ADCY5: variants seen among roughly 807,000 people sequenced by gnomAD.
ADCY5 encodes adenylate cyclase type 5.
ADCY5 carries 30 observed loss-of-function variants against 119.7 expected under a neutral mutation model. The observed-to-expected ratio is 0.25, with a 90% confidence interval of 0.19 to 0.34. ADCY5 has a LOEUF of 0.34. Ranked by LOEUF, ADCY5 falls within the 10% of genes least tolerant of loss-of-function variation. The pLI, the probability that ADCY5 is intolerant of heterozygous loss-of-function variation, is 1.00. For missense variants in ADCY5, 1,324 were observed against 1,775.2 expected (o/e 0.75, Z 4.57); for synonymous variants, 753 against 762.2 (o/e 0.99, Z 0.20).
intron 3 of ADCY5, among the ~76,000 whole-genome samples, chr3:123,346,860 C>G (rs994124667): frequency 6.6e-6 from 1 of 152,152 alleles, no homozygotes; most frequent in East Asian, 1.9e-4. Flanking sequence ...ATCAGGCTCT[C>G]CAGGAAGCCA....
At chr3:123,438,941 AG>A (rs1313134449) in intron 1 of ADCY5, among the ~76,000 whole-genome samples, 2 of 151,854 alleles carry the variant, frequency 1.3e-5, no homozygotes, top group Non-Finnish European at 2.9e-5. Flanking sequence ...TTGTAGAGAC[AG>A]GGTCTCACTA....
At chr3:123,428,799 T>A (rs1179340046) in intron 1 of ADCY5, among the ~76,000 whole-genome samples, 1 of 152,218 alleles carries the variant, frequency 6.6e-6, no homozygotes, top group Non-Finnish European at 1.5e-5. Context: ...TACTCCAGAC[T>A]CACTGAATCA....
chr3:123,326,080 C>T (rs946759151), intron 7 of ADCY5, among the ~76,000 whole-genome samples: 2 of 152,166 alleles, frequency 1.3e-5, no homozygotes, highest in African/African-American at 4.8e-5. Flanking sequence ...CAGGGGGTAC[C>T]GGAGGGAGAG....
intron 1 of ADCY5, among the ~76,000 whole-genome samples, chr3:123,368,494 G>T (rs879656798): frequency 5.3e-5 from 8 of 152,212 alleles, no homozygotes; most frequent in Non-Finnish European, 8.8e-5. Context: ...CTACTTGGGA[G>T]GCTAAGCCAG....
intron 1 of ADCY5, among the ~76,000 whole-genome samples, chr3:123,381,707 A>G (rs1944037930): frequency 6.6e-6 from 1 of 152,138 alleles, no homozygotes; most frequent in African/African-American, 2.4e-5. Flanking sequence ...ATGCTTATCC[A>G]CACATCTCCC....
intron 1 of ADCY5, among the ~76,000 whole-genome samples, chr3:123,383,499 C>T (rs1944104426): frequency 6.6e-6 from 1 of 152,188 alleles, no homozygotes; most frequent in Non-Finnish European, 1.5e-5. Context: ...TGAAGATGCT[C>T]ACAGCTCAGC....
intron 1 of ADCY5, among the ~76,000 whole-genome samples, chr3:123,410,860 C>T (rs986105223): frequency 2.0e-5 from 3 of 152,126 alleles, no homozygotes; most frequent in Non-Finnish European, 2.9e-5. Flanking sequence ...GTTGCCCAGG[C>T]TGCTCTCAAT....
chr3:123,317,427 A>T (rs572905919), intron 11 of ADCY5, among the ~76,000 whole-genome samples: 29 of 152,022 alleles, frequency 1.9e-4, no homozygotes, highest in African/African-American at 6.5e-4. Context: ...GGGACGAGAC[A>T]ATTAAGTGAT....
intron 1 of ADCY5, among the ~76,000 whole-genome samples, chr3:123,434,917 G>A (rs2107648832): frequency 6.6e-6 from 1 of 152,292 alleles, no homozygotes; most frequent in African/African-American, 2.4e-5. Context: ...CCACTAATAT[G>A]TGACAATCCC....
intron 3 of ADCY5, among the ~76,000 whole-genome samples, chr3:123,341,271 A>G (rs1157385707): frequency 6.6e-6 from 1 of 151,036 alleles, no homozygotes; most frequent in African/African-American, 2.4e-5. Flanking sequence ...TGGTATATTC[A>G]TATAATGGAG....
At position 123,284,279 on chromosome 3, in the gene ADCY5, G is replaced by T; in HGVS notation, c.*329C>A. On this transcript the variant is annotated 3_prime_UTR_variant, in exon 21 of 21. Transcript: ENST00000462833. The stretch of plus-strand genomic sequence containing the variant: ...CCTCAGCCCTGCCCTTGTCTGGGCC[G>T]TGCCACACACACATTCCCACGGCTC... The T allele has an allele frequency of 3.6e-6, 1 of 281,058 alleles. No individual in the cohort carries two copies. The highest frequency in any genetic ancestry group is 6.9e-6 in the Non-Finnish European group (1 of 145,978). 17.4% of individuals were successfully genotyped at this position (281,058 alleles called of 1,614,324 possible).
rs1559790572 is a variant in ADCY5, at chr3:123,304,057, A to G, written c.2559+10T>C. The G allele has an allele frequency of 1.3e-6, 2 of 1,586,190 alleles. No homozygotes were observed. The highest frequency in any genetic ancestry group is 1.7e-6 in the Non-Finnish European group (2 of 1,154,736). On this transcript the variant is annotated intron_variant, in intron 13 of 20. Coordinates refer to ENST00000462833, the MANE Select transcript of ADCY5 (RefSeq NM_183357.3). The stretch of plus-strand genomic sequence containing the variant: ...CTGCGGAGGTGCTAGGAGGTCGTGC[A>G]GCCACCCACCATGTTGACAAAAGCC...
intron 1 of ADCY5, among the ~76,000 whole-genome samples, chr3:123,395,250 T>G (rs1944508385): frequency 6.6e-6 from 1 of 152,214 alleles, no homozygotes; most frequent in Admixed American, 6.5e-5. Flanking sequence ...TTGGTCTCCA[T>G]GTGGCTCCAC....
chr3:123,356,443 G>A (rs1943039989), intron 1 of ADCY5, among the ~76,000 whole-genome samples: 2 of 152,022 alleles, frequency 1.3e-5, no homozygotes, highest in Admixed American at 1.3e-4. Flanking sequence ...TTACATGAAA[G>A]GAGTCTTTTA....
At chr3:123,368,192 C>T in intron 1 of ADCY5, 1 of 604,788 alleles carries the variant, frequency 1.7e-6, no homozygotes, top group Non-Finnish European at 2.6e-6. Context: ...CTAATGACGC[C>T]TGCGAATAAG....
chr3:123,382,893 A>G (rs1944079302), intron 1 of ADCY5, among the ~76,000 whole-genome samples: 2 of 152,242 alleles, frequency 1.3e-5, no homozygotes, highest in South Asian at 4.1e-4. Context: ...AAAAACGGTT[A>G]CAAGATAAAT....
intron 19 of ADCY5, among the ~76,000 whole-genome samples, chr3:123,287,855 C>G (rs1285493873): frequency 6.6e-6 from 1 of 152,142 alleles, no homozygotes; most frequent in Non-Finnish European, 1.5e-5. Flanking sequence ...AGCTGCCTGC[C>G]CGGCTCCTTA....
At chr3:123,310,844 GC>G (rs1940530498) in intron 12 of ADCY5, among the ~76,000 whole-genome samples, 1 of 152,130 alleles carries the variant, frequency 6.6e-6, no homozygotes, top group South Asian at 2.1e-4. Context: ...CACCAAGTTA[GC>G]CCCGCTGAGA....
At chr3:123,355,460 C>T (rs1576616260) in intron 1 of ADCY5, among the ~76,000 whole-genome samples, 1 of 152,100 alleles carries the variant, frequency 6.6e-6, no homozygotes, top group East Asian at 1.9e-4. Context: ...TCTGTGGATG[C>T]AGAACCCACA....
Sources: allele counts gnomAD v4.1 joint callset (sites outside exome capture counted in the v4.1 genomes callset), GRCh38; gene constraint gnomAD v4.1.1; transcripts MANE v1.5; gene names NCBI Gene and HGNC (gene_info 2026-07-23, HGNC 2026-07-21).